The following ADCY1 variants were observed in gnomAD, a reference collection of about 807,000 sequenced individuals.
ADCY1 encodes the protein adenylate cyclase type 1.
Under a neutral mutation model 105.4 loss-of-function variants are expected in ADCY1, and 28 were observed. That is an observed-to-expected ratio of 0.27 (90% CI 0.20 to 0.36). The LOEUF is 0.36. Ranked by LOEUF, ADCY1 falls within the 10% of genes least tolerant of loss-of-function variation. ADCY1 has a pLI of 1.00. For missense variants in ADCY1, 977 were observed against 1,434.2 expected (o/e 0.68, Z 5.15); for synonymous variants, 655 against 623.8 (o/e 1.05, Z -0.75).
At chr7:45,625,491 G>T (rs1794028074) in intron 4 of ADCY1, among the ~76,000 whole-genome samples, 1 of 151,856 alleles carries the variant, frequency 6.6e-6, no homozygotes, top group South Asian at 2.1e-4. Flanking sequence ...GTGCACACGT[G>T]TGTACACATG....
intron 1 of ADCY1, among the ~76,000 whole-genome samples, chr7:45,589,870 G>A (rs1248872769): frequency 2.0e-5 from 3 of 152,024 alleles, no homozygotes; most frequent in Non-Finnish European, 4.4e-5. Context: ...CCAGGGCCAC[G>A]GGGGTCTGAA....
At chr7:45,696,088 C>G (rs915955029) in intron 14 of ADCY1, among the ~76,000 whole-genome samples, 1 of 152,208 alleles carries the variant, frequency 6.6e-6, no homozygotes, top group Non-Finnish European at 1.5e-5. Flanking sequence ...CCTAGGACAT[C>G]TTTCTGTCAT....
rs546841996 is a variant in ADCY1, at chr7:45,721,773, C to T, written c.*7778C>T. The T allele has an allele frequency of 1.3e-5, 5 of 398,608 alleles. No homozygotes were observed. The highest frequency in any genetic ancestry group is 1.1e-4 in the East Asian group (3 of 28,080). The allele number at this position is 398,608 out of a possible 1,614,324, so 24.7% of individuals were successfully genotyped here. ...GATGGATGGTGAGAGATTTGACAAC[C>T]ACCAGAGCACATGTGCTCTGACCCT... is the stretch of plus-strand genomic sequence containing the variant. On this transcript the variant is annotated 3_prime_UTR_variant, in exon 20 of 20. Transcript: ENST00000297323.
intron 2 of ADCY1, among the ~76,000 whole-genome samples, chr7:45,595,163 G>A (rs1156589144): frequency 1.3e-5 from 2 of 152,202 alleles, no homozygotes; most frequent in Non-Finnish European, 2.9e-5. Flanking sequence ...TCCCAAACTT[G>A]TGCTCTTTTA....
At chr7:45,702,584 C>T (rs973854162) in intron 14 of ADCY1, among the ~76,000 whole-genome samples, 2 of 152,246 alleles carry the variant, frequency 1.3e-5, no homozygotes, top group Admixed American at 1.3e-4. Flanking sequence ...ACACAGGGAC[C>T]CTGGTGGCTT....
rs1584331403 is a variant in ADCY1 at position 45,686,321 on chromosome 7, A to G, written c.2327+106A>G. Reference sequence around the variant, plus strand: ...CTGAGTCCAGAACTAGTCAAGTTGAATTGTATACACAATTTTTAGTTTGGT... The same window carrying G: ...CTGAGTCCAGAACTAGTCAAGTTGAGTTGTATACACAATTTTTAGTTTGGT... On this transcript the variant is annotated intron_variant, in intron 13 of 19. Coordinates refer to ENST00000297323, the MANE Select transcript of ADCY1 (RefSeq NM_021116.4). This position sits in a 1 kb window ranked among gnomAD's most constrained non-coding sequence, Gnocchi z 4.3. The G allele has an allele frequency of 2.7e-6, 4 of 1,488,310 alleles. No homozygotes were observed. In the East Asian group the frequency reaches 9.2e-5, roughly 34 times the overall value. 92.2% of individuals were successfully genotyped at this position (1,488,310 alleles called of 1,614,324 possible).
chr7:45,634,897 A>G (rs1434808915), intron 4 of ADCY1, among the ~76,000 whole-genome samples: 1 of 152,194 alleles, frequency 6.6e-6, no homozygotes, highest in Non-Finnish European at 1.5e-5. Context: ...TGTTACTTAA[A>G]GATATTAGTC....
chr7:45,616,403 A>T (rs1158123697), intron 3 of ADCY1, among the ~76,000 whole-genome samples: 1 of 152,242 alleles, frequency 6.6e-6, no homozygotes, highest in African/African-American at 2.4e-5. Flanking sequence ...ATAAATATAG[A>T]TTCAGATTTC....
chr7:45,721,781 C>G lies in ADCY1; in HGVS notation c.*7786C>G, dbSNP rs1785478303. 1 of 398,468 alleles carries G rather than the reference C, an allele frequency of 2.5e-6. No individual in the cohort carries two copies. The highest frequency in any genetic ancestry group is 4.4e-5 in the Admixed American group (1 of 22,712). The allele number at this position is 398,468 out of a possible 1,614,324, so 24.7% of individuals were successfully genotyped here. A position where few individuals can be genotyped will look rare whatever the true frequency, so the allele number is the denominator to read the frequency against. The stretch of plus-strand genomic sequence containing the variant: ...GTGAGAGATTTGACAACCACCAGAG[C>G]ACATGTGCTCTGACCCTCTCCTGGG... On this transcript the variant is annotated 3_prime_UTR_variant, in exon 20 of 20. Transcript: ENST00000297323.
chr7:45,642,102 G>T (rs1160894577), intron 4 of ADCY1, among the ~76,000 whole-genome samples: 1 of 152,054 alleles, frequency 6.6e-6, no homozygotes, highest in Non-Finnish European at 1.5e-5. Context: ...ACAGCCTGTA[G>T]ACCAGAGGGC....
At position 45,596,460 on chromosome 7, in the gene ADCY1, TG is replaced by T. The variant is rs1368427750; in HGVS notation, c.789+3554del. 5.3e-5 allele frequency among the ~76,000 whole-genome samples: 8 copies of T among 151,892 alleles called. No individual in the cohort carries two copies. The East Asian group carries it at 9.7e-4, about 18-fold the overall frequency. Reference sequence around the variant, plus strand: ...ACCCCAGTCTGGGAGGGCTTCTGGGTGGATGGATGTACCCTGGTCCTAAGAG... The same window carrying T: ...ACCCCAGTCTGGGAGGGCTTCTGGGTGATGGATGTACCCTGGTCCTAAGAG... On this transcript the variant is annotated intron_variant, in intron 2 of 19. Transcript: ENST00000297323.
chr7:45,598,408 T>C (rs1793133678), intron 2 of ADCY1, among the ~76,000 whole-genome samples: 1 of 152,204 alleles, frequency 6.6e-6, no homozygotes, highest in African/African-American at 2.4e-5. Context: ...TTTCTGTTTC[T>C]GAACAAAAAT....
chr7:45,692,222 G>C (rs1784798182), intron 14 of ADCY1, among the ~76,000 whole-genome samples: 1 of 152,226 alleles, frequency 6.6e-6, no homozygotes, highest in African/African-American at 2.4e-5. Context: ...CCATCTGAGA[G>C]TGCACACACA....
intron 2 of ADCY1, among the ~76,000 whole-genome samples, chr7:45,602,514 A>C (rs1364564463): frequency 6.6e-6 from 1 of 152,146 alleles, no homozygotes; most frequent in Non-Finnish European, 1.5e-5. Context: ...TAAAGCACAC[A>C]CTCAATTTGT....
chr7:45,704,676 T>C, intron 17 of ADCY1, 60 bp downstream of exon 17: 1 of 1,386,718 alleles, frequency 7.2e-7, no homozygotes, highest in Non-Finnish European at 1.0e-6. Flanking sequence ...CCTAAACTGC[T>C]CTGGGACCCT....
intron 3 of ADCY1, among the ~76,000 whole-genome samples, chr7:45,619,769 TTTAG>T (rs1429499130): frequency 5.9e-5 from 9 of 152,100 alleles, no homozygotes; most frequent in South Asian, 4.1e-4. Context: ...AATACAAAAT[TTTAG>T]TTAGGCAGCA....
At chr7:45,700,680 A>C (rs924998929) in intron 14 of ADCY1, among the ~76,000 whole-genome samples, 2 of 152,198 alleles carry the variant, frequency 1.3e-5, no homozygotes, top group African/African-American at 4.8e-5. Context: ...CTGACCTGAC[A>C]CTGGCCAGAT....
chr7:45,634,159 A>G (rs1005981344), intron 4 of ADCY1, among the ~76,000 whole-genome samples: 1 of 152,096 alleles, frequency 6.6e-6, no homozygotes, highest in Non-Finnish European at 1.5e-5. Flanking sequence ...TTCTACATAA[A>G]TCATCATGTT....
Position 45,574,643 on chromosome 7 carries a change from C to G in ADCY1, c.100C>G (p.Arg34Gly), listed in dbSNP as rs760606743. 759 of 1,260,326 alleles carry G rather than the reference C, an allele frequency of 6.0e-4. No homozygotes were observed. The highest frequency in any genetic ancestry group is 7.3e-4 in the Non-Finnish European group (729 of 1,004,300). 78.1% of individuals were successfully genotyped at this position (1,260,326 alleles called of 1,614,324 possible). ...CGGGACAAGCCGCCGGCGCGGGCTC[C>G]GGGCGTGCGACGAGGAGTTCGCTTG... ...AAGTSRRRGLRACDEEFACPE... is the reference protein window; with the variant it reads ...AAGTSRRRGLGACDEEFACPE... Residue 34 changes from arginine (R) to glycine (G), a missense_variant, in exon 1 of 20, where the codon CGG becomes GGG. By Grantham distance (125) the Arg-to-Gly change is moderately radical. This residue lies in a region of ADCY1 where 209 missense variants were observed against 222.5 expected (regional missense o/e 0.94). Transcript: ENST00000297323. The surrounding 1 kb of genome is among the most constrained non-coding windows in gnomAD (Gnocchi z 7.0).
Sources: allele counts gnomAD v4.1 joint callset (sites outside exome capture counted in the v4.1 genomes callset), GRCh38; gene constraint gnomAD v4.1.1; regional missense constraint gnomAD v4.1.1; non-coding constraint Gnocchi (gnomAD v3.1); transcripts MANE v1.5; gene names NCBI Gene and HGNC (gene_info 2026-07-23, HGNC 2026-07-21).